MTNAP1: variants seen among roughly 807,000 people sequenced by gnomAD.
The protein encoded by MTNAP1 is mitochondrial nucleoid associated protein 1.
At chr17:73,234,653 G>A in the MTNAP1 span, among the ~76,000 whole-genome samples, 62 of 142,766 alleles carry the variant, frequency 4.3e-4, no homozygotes, top group South Asian at 0.01. Context: ...ACTGCACTCC[G>A]GCCTGGTGAC....
the MTNAP1 span, chr17:73,242,805 A>T: frequency 2.2e-6 from 2 of 914,434 alleles, no homozygotes; most frequent in Non-Finnish European, 3.4e-6. Context: ...CAGTTCCATC[A>T]CTCAGGCTAA....
chr17:73,236,487 C>CA, the MTNAP1 span: 3 of 1,614,152 alleles, frequency 1.9e-6, no homozygotes, highest in Non-Finnish European at 2.5e-6. Context: ...GTGAGAACTT[C>CA]AACACCAGGG....
the MTNAP1 span, chr17:73,235,666 T>G: frequency 6.2e-7 from 1 of 1,614,074 alleles, no homozygotes; most frequent in Non-Finnish European, 8.5e-7. Flanking sequence ...AATCAAAGAT[T>G]TAATTAAAGC....
chr17:73,235,092 T>C, the MTNAP1 span, among the ~76,000 whole-genome samples: 1 of 147,880 alleles, frequency 6.8e-6, no homozygotes, highest in South Asian at 2.1e-4. Flanking sequence ...CGTGGTGGCA[T>C]GCCCCTGTAG....
chr17:73,242,294 G>A, the MTNAP1 span: 844,325 of 1,601,460 alleles, frequency 0.53, 224,447 homozygotes, highest in East Asian at 0.64. Flanking sequence ...GGAACCCCCT[G>A]CCGGACTTAC....
the MTNAP1 span, chr17:73,233,353 C>T: frequency 6.6e-6 from 1 of 152,196 alleles, no homozygotes; most frequent in South Asian, 2.1e-4. Flanking sequence ...CACGTATAGA[C>T]GTTATCGTGG....
chr17:73,243,095 T>TG, the MTNAP1 span: 17 of 937,084 alleles, frequency 1.8e-5, no homozygotes, highest in African/African-American at 3.5e-5. Flanking sequence ...TTTTTTTTTT[T>TG]TTTTTTACAG....
chr17:73,238,680 A>G, the MTNAP1 span, among the ~76,000 whole-genome samples: 2 of 151,954 alleles, frequency 1.3e-5, no homozygotes, highest in African/African-American at 2.4e-5. Flanking sequence ...CTCCATCTGT[A>G]TTTTTTTTAT....
the MTNAP1 span, chr17:73,232,450 G>A: frequency 3.2e-6 from 3 of 925,584 alleles, no homozygotes; most frequent in Non-Finnish European, 4.6e-6. Flanking sequence ...GACCTCCCCT[G>A]GGGTGGCAGA....
At chr17:73,243,076 AAT>A in the MTNAP1 span, 1 of 218,664 alleles carries the variant, frequency 4.6e-6, no homozygotes, top group South Asian at 4.9e-5. Flanking sequence ...GGATTCTCTG[AAT>A]TTTTTTTTTT....
At chr17:73,238,003 G>C in the MTNAP1 span, among the ~76,000 whole-genome samples, 1 of 152,180 alleles carries the variant, frequency 6.6e-6, no homozygotes, top group African/African-American at 2.4e-5. Context: ...GATGAGGCGA[G>C]AAGGGCTTGG....
At chr17:73,248,601 C>T in the MTNAP1 span, 6 of 1,503,146 alleles carry the variant, frequency 4.0e-6, no homozygotes, top group Admixed American at 2.0e-5. Context: ...CCTTCCCATC[C>T]ATCCCGCAGA....
the MTNAP1 span, among the ~76,000 whole-genome samples, chr17:73,240,885 T>A: frequency 4.0e-5 from 6 of 149,982 alleles, no homozygotes; most frequent in Non-Finnish European, 8.9e-5. Flanking sequence ...GTTTTTTTTT[T>A]AAGAGACTAA....
chr17:73,233,547 A>G, the MTNAP1 span, among the ~76,000 whole-genome samples: 1 of 152,240 alleles, frequency 6.6e-6, no homozygotes, highest in African/African-American at 2.4e-5. Context: ...CTCCAAAGAA[A>G]GAAAGAATGA....
chr17:73,248,329 C>T, the MTNAP1 span: 36 of 669,832 alleles, frequency 5.4e-5, no homozygotes, highest in East Asian at 9.1e-4. Context: ...CTACTCATCT[C>T]TTCACAGAGC....
At chr17:73,247,229 T>C in the MTNAP1 span, 7 of 1,611,690 alleles carry the variant, frequency 4.3e-6, no homozygotes, top group Non-Finnish European at 5.9e-6. Context: ...ATTTACTATC[T>C]GGCCTTTACA....
At chr17:73,243,692 C>T in the MTNAP1 span, among the ~76,000 whole-genome samples, 2 of 152,078 alleles carry the variant, frequency 1.3e-5, no homozygotes, top group Non-Finnish European at 2.9e-5. Context: ...CCATGCCTGG[C>T]TAACTTTGTT....
the MTNAP1 span, chr17:73,236,194 G>A: frequency 6.2e-7 from 1 of 1,614,146 alleles, no homozygotes; most frequent in Non-Finnish European, 8.5e-7. Flanking sequence ...TGTCAGTGAT[G>A]GGGTTAAAAG....
the MTNAP1 span, among the ~76,000 whole-genome samples, chr17:73,239,225 C>T: frequency 3.9e-5 from 6 of 152,224 alleles, no homozygotes; most frequent in South Asian, 2.1e-4. Flanking sequence ...TGTGAACCAC[C>T]GTGTCCAGCC....
Sources: allele counts gnomAD v4.1 joint callset (sites outside exome capture counted in the v4.1 genomes callset), GRCh38; gene constraint gnomAD v4.1.1; transcripts MANE v1.5; gene names NCBI Gene and HGNC (gene_info 2026-07-23, HGNC 2026-07-21).